The following BOC variants were observed in gnomAD, a reference collection of about 807,000 sequenced individuals.
BOC encodes BOC cell adhesion associated, oncogene regulated, also known as brother of CDO.
A neutral mutation model predicts 112.0 loss-of-function variants in BOC; 76 were observed. The observed-to-expected ratio is 0.68, with a 90% CI of 0.56 to 0.82. BOC has a LOEUF of 0.82. BOC is among the 40% of genes least tolerant of loss of function. BOC has a pLI of 0.00. For missense variants in BOC, 1,309 were observed against 1,511.7 expected, an observed-to-expected ratio of 0.87 and a Z score of 2.22; for synonymous variants, 580 against 599.8, an observed-to-expected ratio of 0.97 and a Z score of 0.48.
Position 113,268,406 on chromosome 3 carries a change from C to T in BOC, c.484C>T (p.Arg162Trp), listed in dbSNP as rs373476923. 2.2e-5 allele frequency: 36 copies of T among 1,613,994 alleles called. No homozygotes were observed. Among genetic ancestry groups the T allele is most frequent in the South Asian group, 3.3e-5 (3 of 91,054 alleles). The change falls in exon 5 of 20, where the codon CGG (arginine) becomes TGG (tryptophan). Residue 162 changes from arginine (R) to tryptophan (W), a missense_variant. Arg to Trp is a moderately radical substitution (Grantham distance 101). Coordinates refer to ENST00000682979, the MANE Select transcript of BOC (RefSeq NM_001378074.1). ...TGAGAGCCACCCCAAAGCCCAGGTC[C>T]GGTACAGCGTCAAACAAGAGTGGCT... is the stretch of plus-strand genomic sequence containing the variant. ...LPESHPKAQVRYSVKQEWLEA... is the reference protein window; with the variant it reads ...LPESHPKAQVWYSVKQEWLEA...
At chr3:113,230,149 T>C (rs1248820909) in intron 2 of BOC, among the ~76,000 whole-genome samples, 3 of 152,188 alleles carry the variant, frequency 2.0e-5, no homozygotes, top group Non-Finnish European at 4.4e-5. Flanking sequence ...TCTCAGTACA[T>C]AGTGGTGCAT....
chr3:113,230,233 C>T (rs984566603), intron 2 of BOC, among the ~76,000 whole-genome samples: 3 of 152,114 alleles, frequency 2.0e-5, no homozygotes, highest in Non-Finnish European at 4.4e-5. Context: ...CACTCAGGAC[C>T]GACTGTAGGT....
chr3:113,225,558 G>A (rs1344220008), intron 2 of BOC, among the ~76,000 whole-genome samples: 1 of 152,210 alleles, frequency 6.6e-6, no homozygotes. Flanking sequence ...GTGCTGGGCT[G>A]CCATTCAGTG....
intron 8 of BOC, among the ~76,000 whole-genome samples, chr3:113,273,544 A>T (rs1948365139): frequency 6.6e-6 from 1 of 152,230 alleles, no homozygotes; most frequent in Non-Finnish European, 1.5e-5. Context: ...ATTTTAAAAA[A>T]ATATTTCTGT....
chr3:113,277,390 A>C (rs1240609589), intron 9 of BOC, among the ~76,000 whole-genome samples: 1 of 152,240 alleles, frequency 6.6e-6, no homozygotes, highest in African/African-American at 2.4e-5. Flanking sequence ...CCGGGATTTG[A>C]ACCCAGGACT....
intron 2 of BOC, among the ~76,000 whole-genome samples, chr3:113,228,360 C>G (rs1200821037): frequency 1.3e-5 from 2 of 151,994 alleles, no homozygotes; most frequent in Non-Finnish European, 2.9e-5. Context: ...ATTAGGAGTA[C>G]AGGGCTCCTG....
At position 113,283,465 on chromosome 3, in the gene BOC, C is replaced by G. The variant is rs1299900806; in HGVS notation, c.2489C>G (p.Pro830Arg). 1 of 1,613,702 alleles carries G rather than the reference C, an allele frequency of 6.2e-7. No individual in the cohort carries two copies. The highest frequency in any genetic ancestry group is 1.7e-4 in the Middle Eastern group (1 of 6,060). ...GRLPPPTLAP[P>R]QPPLPETIER... ...CTGCCACCCCCAACTCTGGCCCCACCACAGCCGCCCCTTCCTGAAACCATA... is the reference window on the plus strand; with the variant it reads ...CTGCCACCCCCAACTCTGGCCCCACGACAGCCGCCCCTTCCTGAAACCATA... The change falls in exon 16 of 20, where the codon CCA becomes CGA. Residue 830 changes from proline (P) to arginine (R), a missense_variant. Physicochemically the swap from Pro to Arg is moderately radical, Grantham distance 103 (BLOSUM62 -2). Coordinates refer to ENST00000682979, the MANE Select transcript of BOC (RefSeq NM_001378074.1).
chr3:113,236,280 GGGTA>G (rs1334802088), intron 2 of BOC, among the ~76,000 whole-genome samples: 1 of 42,566 alleles, frequency 2.3e-5, no homozygotes, highest in Non-Finnish European at 4.1e-5. Flanking sequence ...ATATACCCAT[GGGTA>G]TATATATATA....
At chr3:113,275,685 A>G (rs1948592587) in intron 9 of BOC, among the ~76,000 whole-genome samples, 1 of 152,196 alleles carries the variant, frequency 6.6e-6, no homozygotes, top group Non-Finnish European at 1.5e-5. Context: ...TGAATGTGGA[A>G]TTAAAAGTCT....
rs5022662 is a variant in BOC at position 113,286,907 on chromosome 3, A to T, written c.*45A>T. 0.43 allele frequency: 478,333 copies of T among 1,115,610 alleles called. 78,772 individuals carry two copies. The highest frequency in any genetic ancestry group is 0.66 in the East Asian group (22,912 of 34,808). 69.1% of individuals were successfully genotyped at this position (1,115,610 alleles called of 1,614,324 possible). On this transcript the variant is annotated 3_prime_UTR_variant, in exon 20 of 20. Coordinates refer to ENST00000682979, the MANE Select transcript of BOC (RefSeq NM_001378074.1). ...AAAGACTATATATTGTTTTTTTTTT[A>T]AAAAAAAAAAGAAGAAAAAAGAGAC...
intron 2 of BOC, among the ~76,000 whole-genome samples, chr3:113,229,949 T>G (rs1462507077): frequency 6.6e-6 from 1 of 152,212 alleles, no homozygotes; most frequent in Non-Finnish European, 1.5e-5. Flanking sequence ...AATATTGATG[T>G]CAAGCTCCCA....
In BOC at chr3:113,278,069, G is replaced by A. The variant is rs375941744; in HGVS notation, c.1543-26G>A. The A allele has an allele frequency of 1.5e-5, 25 of 1,613,480 alleles. No individual in the cohort carries two copies. The African/African-American group carries it at 2.9e-4, about 19-fold the overall frequency. ...CTCGTAGCCCGAGGCTGAGATGCCG[G>A]TCTTTATACCAGCTACCTTCTCCAG... On this transcript the variant is annotated intron_variant, in intron 9 of 19. Coordinates refer to ENST00000682979, the MANE Select transcript of BOC (RefSeq NM_001378074.1). The surrounding 1 kb of genome is among the most constrained non-coding windows in gnomAD (Gnocchi z 4.2).
chr3:113,273,418 A>G, intron 8 of BOC, 77 bp downstream of exon 8: 10 of 1,444,382 alleles, frequency 6.9e-6, no homozygotes, highest in Non-Finnish European at 8.3e-6. Context: ...CTAACTTGGA[A>G]CCCCAGTATA....
At chr3:113,243,877 G>C (rs1433223156) in intron 2 of BOC, among the ~76,000 whole-genome samples, 1 of 152,194 alleles carries the variant, frequency 6.6e-6, no homozygotes, top group Non-Finnish European at 1.5e-5. Context: ...ATTAAAGAAT[G>C]CTAAAGTTGT....
At chr3:113,248,486 A>G (rs1945210666) in intron 2 of BOC, among the ~76,000 whole-genome samples, 1 of 152,224 alleles carries the variant, frequency 6.6e-6, no homozygotes, top group African/African-American at 2.4e-5. Flanking sequence ...GAAATATACT[A>G]TTAATATTGC....
chr3:113,239,021 G>A (rs1943940275), intron 2 of BOC, among the ~76,000 whole-genome samples: 2 of 152,232 alleles, frequency 1.3e-5, no homozygotes, highest in Non-Finnish European at 1.5e-5. Flanking sequence ...ACTAGCCCAT[G>A]TGGCTGTTAA....
chr3:113,247,086 C>T (rs1002297319), intron 2 of BOC, among the ~76,000 whole-genome samples: 3 of 152,144 alleles, frequency 2.0e-5, no homozygotes, highest in Non-Finnish European at 4.4e-5. Context: ...AACAACCCTT[C>T]CATTCCTCTT....
At chr3:113,212,457 G>A (rs1938377054) in intron 1 of BOC, 1 of 152,292 alleles carries the variant, frequency 6.6e-6, no homozygotes, top group African/African-American at 2.4e-5. Context: ...CAGGCCGTGG[G>A]GGGAACCCGA....
intron 4 of BOC, among the ~76,000 whole-genome samples, chr3:113,266,665 A>C (rs1947514663): frequency 6.6e-6 from 1 of 152,204 alleles, no homozygotes; most frequent in South Asian, 2.1e-4. Context: ...TCATTCATTT[A>C]TTCATTCAAC....
Sources: allele counts gnomAD v4.1 joint callset (sites outside exome capture counted in the v4.1 genomes callset), GRCh38; gene constraint gnomAD v4.1.1; non-coding constraint Gnocchi (gnomAD v3.1); transcripts MANE v1.5; gene names NCBI Gene and HGNC (gene_info 2026-07-23, HGNC 2026-07-21).